The following SPRYD4 variants were observed in gnomAD, a reference collection of about 807,000 sequenced individuals.
SPRYD4 encodes the protein SPRY domain-containing protein 4.
In SPRYD4, 12 loss-of-function variants were observed where a neutral mutation model predicts 16.6. The observed-to-expected ratio is 0.72, with a 90% confidence interval of 0.46 to 1.17. The LOEUF (loss-of-function observed/expected upper bound fraction) is 1.17. SPRYD4 is among the 50% of genes most tolerant of loss of function. SPRYD4 has a pLI of 0.00. For missense variants in SPRYD4, 260 were observed against 260.2 expected (o/e 1.00, Z 0.00); for synonymous variants, 98 against 105.4 (o/e 0.93, Z 0.43).
Position 56,478,428 on chromosome 12 carries a change from C to T in SPRYD4, c.*8851C>T. On this transcript the variant is annotated 3_prime_UTR_variant, in exon 2 of 2. Coordinates refer to ENST00000338146, the MANE Select transcript of SPRYD4 (RefSeq NM_207344.4). ...TCCCAGAAATGCCCGAGCCTTAAGT[C>T]CTAGAAGGCCATATCTTTGTGTATC... 1 of 648,956 alleles carries T rather than the reference C, an allele frequency of 1.5e-6. No individual in the cohort carries two copies. Among genetic ancestry groups the T allele is most frequent in the Non-Finnish European group, 2.7e-6 (1 of 371,326 alleles). The allele number at this position is 648,956 out of a possible 1,614,324, so 40.2% of individuals were successfully genotyped here. A position where few individuals can be genotyped will look rare whatever the true frequency, so the allele number is the denominator to read the frequency against.
At position 56,475,609 on chromosome 12, in the gene SPRYD4, T is replaced by A. The variant is rs2136183969; in HGVS notation, c.*6032T>A. 6.2e-7 allele frequency: 1 copy of A among 1,613,568 alleles called. No individual in the cohort carries two copies. Reference sequence around the variant, plus strand: ...ACCACAATGCTTTCAGTCAGTCCTCTGAGTAGGGACTTACGTGGCATTGCT... The same window carrying A: ...ACCACAATGCTTTCAGTCAGTCCTCAGAGTAGGGACTTACGTGGCATTGCT... On this transcript the variant is annotated 3_prime_UTR_variant, in exon 2 of 2. Coordinates refer to ENST00000338146, the MANE Select transcript of SPRYD4 (RefSeq NM_207344.4).
rs775055804 is a variant in SPRYD4 at position 56,478,168 on chromosome 12, T to G, written c.*8591T>G. 3 of 1,614,188 alleles carry G rather than the reference T, an allele frequency of 1.9e-6. No individual in the cohort carries two copies. The highest frequency in any genetic ancestry group is 2.5e-6 in the Non-Finnish European group (3 of 1,180,028). On this transcript the variant is annotated 3_prime_UTR_variant, in exon 2 of 2. Coordinates refer to ENST00000338146, the MANE Select transcript of SPRYD4 (RefSeq NM_207344.4). ...CCTGTGCCCTGCCTCCCCTTCCTCT[T>G]GCCCAGCATCTCACCGTTGACCATC...
chr12:56,475,311 A>C lies in SPRYD4; in HGVS notation c.*5734A>C. ...ATAGTTTTGTTATAAAGTAAACCCA[A>C]ACCAAACACCCCAAACTGTCTAGTC... On this transcript the variant is annotated 3_prime_UTR_variant, in exon 2 of 2. Coordinates refer to ENST00000338146, the MANE Select transcript of SPRYD4 (RefSeq NM_207344.4). 1 of 1,351,324 alleles carries C rather than the reference A, an allele frequency of 7.4e-7. No homozygotes were observed. Among genetic ancestry groups the C allele is most frequent in the Non-Finnish European group, 1.0e-6 (1 of 1,001,330 alleles). The allele number at this position is 1,351,324 out of a possible 1,614,324, so 83.7% of individuals were successfully genotyped here.
chr12:56,472,992 C>T lies in SPRYD4; in HGVS notation c.*3415C>T, dbSNP rs527752633. On this transcript the variant is annotated 3_prime_UTR_variant, in exon 2 of 2. Coordinates refer to ENST00000338146, the MANE Select transcript of SPRYD4 (RefSeq NM_207344.4). ...GCAACCTCTGCCTCCCGGTTTCAAGCGATTCTCCTGCCTCAGCCTCCCAAG... is the reference window on the plus strand; with the variant it reads ...GCAACCTCTGCCTCCCGGTTTCAAGTGATTCTCCTGCCTCAGCCTCCCAAG... The T allele has an allele frequency of 6.7e-5, 39 of 581,148 alleles. No homozygotes were observed. Among genetic ancestry groups the T allele is most frequent in the South Asian group, 6.3e-4 (30 of 47,588 alleles). The allele number at this position is 581,148 out of a possible 1,614,324, so 36.0% of individuals were successfully genotyped here.
Position 56,473,633 on chromosome 12 carries a change from G to C in SPRYD4, c.*4056G>C. 4 of 1,575,606 alleles carry C rather than the reference G, an allele frequency of 2.5e-6. No individual in the cohort carries two copies. Among genetic ancestry groups the C allele is most frequent in the Non-Finnish European group, 3.5e-6 (4 of 1,158,930 alleles). ...CTGAAGCTGAGGATAAAGTGGGTGT[G>C]CCCCAAATCAGAAAATAAACAAGTT... is the stretch of plus-strand genomic sequence containing the variant. On this transcript the variant is annotated 3_prime_UTR_variant, in exon 2 of 2. Coordinates refer to ENST00000338146, the MANE Select transcript of SPRYD4 (RefSeq NM_207344.4).
chr12:56,479,699 C>T lies in SPRYD4; in HGVS notation c.*10122C>T. On this transcript the variant is annotated 3_prime_UTR_variant, in exon 2 of 2. Transcript: ENST00000338146. ...AAATGAGGAATTGAACTATACAATT[C>T]CCAAATTCCTCCCTGCTCTGAGAGT... 5 of 1,459,334 alleles carry T rather than the reference C, an allele frequency of 3.4e-6. No homozygotes were observed. The highest frequency in any genetic ancestry group is 2.4e-5 in the East Asian group (1 of 42,412). 90.4% of individuals were successfully genotyped at this position (1,459,334 alleles called of 1,614,324 possible).
Position 56,474,823 on chromosome 12 carries a change from G to A in SPRYD4, c.*5246G>A, listed in dbSNP as rs562890360. The A allele has an allele frequency of 3.4e-5, 55 of 1,613,418 alleles. No individual in the cohort carries two copies. The highest frequency in any genetic ancestry group is 3.3e-4 in the Middle Eastern group (2 of 6,072). ...CAAGGACAGTCTGTCCTGTTCCCTC[G>A]GCCCTGAGCAGTGTTTTCTTACCTG... On this transcript the variant is annotated 3_prime_UTR_variant, in exon 2 of 2. Transcript: ENST00000338146.
chr12:56,473,753 C>CCTG lies in SPRYD4; in HGVS notation c.*4176_*4177insCTG. On this transcript the variant is annotated 3_prime_UTR_variant, in exon 2 of 2. Transcript: ENST00000338146. ...ATTAGCTTCTTTTATTACTCCTGTC[C>CCTG]TTTCCTTCCCTTAAATTCATTGATT... 1.3e-6 allele frequency: 1 copy of CCTG among 782,118 alleles called. No individual in the cohort carries two copies. Among genetic ancestry groups the CCTG allele is most frequent in the East Asian group, 2.9e-5 (1 of 34,778 alleles). 48.4% of individuals were successfully genotyped at this position (782,118 alleles called of 1,614,324 possible).
chr12:56,474,894 G>A lies in SPRYD4; in HGVS notation c.*5317G>A. The A allele has an allele frequency of 6.2e-7, 1 of 1,614,134 alleles. No homozygotes were observed. Among genetic ancestry groups the A allele is most frequent in the South Asian group, 1.1e-5 (1 of 91,080 alleles). ...CCATCATGTCCACCCCCTTAGGAAA[G>A]CACTGCAAGGAAGAGAGGGGAGAGC... On this transcript the variant is annotated 3_prime_UTR_variant, in exon 2 of 2. Coordinates refer to ENST00000338146, the MANE Select transcript of SPRYD4 (RefSeq NM_207344.4).
In SPRYD4 at chr12:56,474,855, G is replaced by T. The variant is rs1036694507; in HGVS notation, c.*5278G>T. 5 of 1,614,074 alleles carry T rather than the reference G, an allele frequency of 3.1e-6. No individual in the cohort carries two copies. Among genetic ancestry groups the T allele is most frequent in the Non-Finnish European group, 3.4e-6 (4 of 1,180,042 alleles). ...AGCAGTGTTTTCTTACCTGGAAGTA[G>T]AGATCAAGGGCAGCCATCATGTCCA... On this transcript the variant is annotated 3_prime_UTR_variant, in exon 2 of 2. Coordinates refer to ENST00000338146, the MANE Select transcript of SPRYD4 (RefSeq NM_207344.4).
chr12:56,473,637 CA>C lies in SPRYD4; in HGVS notation c.*4063del, dbSNP rs1565701857. 1 of 1,572,172 alleles carries C rather than the reference CA, an allele frequency of 6.4e-7. No individual in the cohort carries two copies. The highest frequency in any genetic ancestry group is 1.2e-5 in the South Asian group (1 of 85,750). ...AGCTGAGGATAAAGTGGGTGTGCCC[CA>C]AATCAGAAAATAAACAAGTTAGGCT... On this transcript the variant is annotated 3_prime_UTR_variant, in exon 2 of 2. Transcript: ENST00000338146.
rs560712128 is a variant in SPRYD4 at position 56,472,717 on chromosome 12, T to C, written c.*3140T>C. 1.9e-6 allele frequency: 3 copies of C among 1,613,872 alleles called. No individual in the cohort carries two copies. The African/African-American group carries it at 4.0e-5, about 22-fold the overall frequency. On this transcript the variant is annotated 3_prime_UTR_variant, in exon 2 of 2. Transcript: ENST00000338146. ...TCGAAGAGCTGAGACATCGCCACTA[T>C]AGGCAGCAAATAACAGGTTGACCAC...
chr12:56,473,361 C>A lies in SPRYD4; in HGVS notation c.*3784C>A, dbSNP rs561053039. On this transcript the variant is annotated 3_prime_UTR_variant, in exon 2 of 2. Transcript: ENST00000338146. ...AAATATATTGTTTATTTACTCCTTA[C>A]ACTTAGTAGGAGCTCAAAATTGCTT... 4.2e-5 allele frequency: 67 copies of A among 1,609,386 alleles called. 1 individual carries two copies. The East Asian group carries it at 5.6e-4, about 13-fold the overall frequency.
Position 56,469,772 on chromosome 12 carries a change from C to A in SPRYD4, c.*195C>A. 1.9e-6 allele frequency: 1 copy of A among 537,510 alleles called. No individual in the cohort carries two copies. 33.3% of individuals were successfully genotyped at this position (537,510 alleles called of 1,614,324 possible). A position where few individuals can be genotyped will look rare whatever the true frequency, so the allele number is the denominator to read the frequency against. On this transcript the variant is annotated 3_prime_UTR_variant, in exon 2 of 2. Coordinates refer to ENST00000338146, the MANE Select transcript of SPRYD4 (RefSeq NM_207344.4). ...CATACAGCCAAACCCTCCTTTTCCCCACCCACCAACTACTGCCAATTTCCT... is the reference window on the plus strand; with the variant it reads ...CATACAGCCAAACCCTCCTTTTCCCAACCCACCAACTACTGCCAATTTCCT...
At position 56,474,517 on chromosome 12, in the gene SPRYD4, A is replaced by G; in HGVS notation, c.*4940A>G. ...CTCTTCTTAGCACTGGGCTCATGAC[A>G]GATGGATAGCAGAGCCAGAAACTCA... On this transcript the variant is annotated 3_prime_UTR_variant, in exon 2 of 2. Coordinates refer to ENST00000338146, the MANE Select transcript of SPRYD4 (RefSeq NM_207344.4). The G allele has an allele frequency of 6.2e-7, 1 of 1,612,584 alleles. No individual in the cohort carries two copies. The highest frequency in any genetic ancestry group is 1.7e-5 in the Admixed American group (1 of 60,010).
Position 56,475,063 on chromosome 12 carries a change from T to C in SPRYD4, c.*5486T>C, listed in dbSNP as rs200029075. The C allele has an allele frequency of 1.9e-6, 3 of 1,614,186 alleles. No homozygotes were observed. The highest frequency in any genetic ancestry group is 2.2e-5 in the East Asian group (1 of 44,886). ...GGTTACCTTCTTTTCCTTGAGATAATAGCCGATGGCATAATTCCGATCCCC... is the reference window on the plus strand; with the variant it reads ...GGTTACCTTCTTTTCCTTGAGATAACAGCCGATGGCATAATTCCGATCCCC... On this transcript the variant is annotated 3_prime_UTR_variant, in exon 2 of 2. Transcript: ENST00000338146.
rs1334136213 is a variant in SPRYD4, at chr12:56,475,200, A to G, written c.*5623A>G. On this transcript the variant is annotated 3_prime_UTR_variant, in exon 2 of 2. Transcript: ENST00000338146. ...TTACCTTCCCTGGAGAGACAGAACTACATCACACCACAAACTAAATGAACC... is the reference window on the plus strand; with the variant it reads ...TTACCTTCCCTGGAGAGACAGAACTGCATCACACCACAAACTAAATGAACC... The G allele has an allele frequency of 1.9e-6, 3 of 1,604,292 alleles. No individual in the cohort carries two copies. Among genetic ancestry groups the G allele is most frequent in the Non-Finnish European group, 2.5e-6 (3 of 1,179,864 alleles).
At position 56,472,897 on chromosome 12, in the gene SPRYD4, T is replaced by TG; in HGVS notation, c.*3320_*3321insG. 1.4e-6 allele frequency: 1 copy of TG among 730,798 alleles called. No individual in the cohort carries two copies. Among genetic ancestry groups the TG allele is most frequent in the Admixed American group, 2.8e-5 (1 of 36,216 alleles). The allele number at this position is 730,798 out of a possible 1,614,324, so 45.3% of individuals were successfully genotyped here. ...ACTCTGAAATATTCTTTTTTTTTTT[T>TG]TTTTTTTTGAGACGGAGTCTCGCTC... On this transcript the variant is annotated 3_prime_UTR_variant, in exon 2 of 2. Coordinates refer to ENST00000338146, the MANE Select transcript of SPRYD4 (RefSeq NM_207344.4).
At position 56,478,180 on chromosome 12, in the gene SPRYD4, C is replaced by T; in HGVS notation, c.*8603C>T. The T allele has an allele frequency of 3.1e-6, 5 of 1,614,238 alleles. No homozygotes were observed. The highest frequency in any genetic ancestry group is 4.2e-6 in the Non-Finnish European group (5 of 1,180,040). On this transcript the variant is annotated 3_prime_UTR_variant, in exon 2 of 2. Transcript: ENST00000338146. Reference sequence around the variant, plus strand: ...CTCCCCTTCCTCTTGCCCAGCATCTCACCGTTGACCATCCACAGTGCACAG... The same window carrying T: ...CTCCCCTTCCTCTTGCCCAGCATCTTACCGTTGACCATCCACAGTGCACAG...
Sources: gnomAD v4.1 joint callset for allele counts on GRCh38, gnomAD v4.1.1 for gene constraint, MANE v1.5 for transcripts, NCBI Gene and HGNC (gene_info 2026-07-23, HGNC 2026-07-21) for gene names.